CDYL: variants seen among roughly 807,000 people sequenced by gnomAD.
The protein encoded by CDYL is chromodomain Y-like protein.
A neutral mutation model predicts 47.3 loss-of-function variants in CDYL; 8 were observed. That is an observed-to-expected ratio of 0.17 (90% confidence interval 0.10 to 0.31). The LOEUF is 0.31. Among genes scored for constraint, CDYL ranks in the 10% least tolerant of loss-of-function variants. The pLI is 1.00. For missense variants in CDYL, 471 were observed against 701.4 expected (o/e 0.67, Z 3.71); for synonymous variants, 266 against 265.0 (o/e 1.00, Z -0.04).
At chr6:4,829,527 C>T (rs74574819) in intron 1 of CDYL, among the ~76,000 whole-genome samples, 5,068 of 152,262 alleles carry the variant, frequency 0.033, 286 homozygotes, top group African/African-American at 0.11. Flanking sequence ...TCTTTCTGAG[C>T]GTGCATCTTG....
chr6:4,786,671 A>G (rs898765950), intron 1 of CDYL, among the ~76,000 whole-genome samples: 1 of 152,224 alleles, frequency 6.6e-6, no homozygotes, highest in Non-Finnish European at 1.5e-5. Context: ...TACTTTAAAA[A>G]AGTGACTGTG....
At chr6:4,936,266 G>A (rs947360596) in intron 3 of CDYL, among the ~76,000 whole-genome samples, 1 of 152,190 alleles carries the variant, frequency 6.6e-6, no homozygotes, top group Non-Finnish European at 1.5e-5. Flanking sequence ...AGAACACACA[G>A]CAACAGGGAT....
intron 2 of CDYL, chr6:4,734,681 G>GGATGGGGATGGAGGGAA: frequency 1.3e-6 from 2 of 1,576,076 alleles, no homozygotes; most frequent in Non-Finnish European, 8.6e-7. Context: ...GGAAGTTGGG[G>GGATGGGGATGGAGGGAA]GATGGGGATG....
chr6:4,871,479 G>A (rs935431193), intron 1 of CDYL, among the ~76,000 whole-genome samples: 31 of 152,178 alleles, frequency 2.0e-4, no homozygotes, highest in Non-Finnish European at 3.8e-4. Flanking sequence ...ATGTGTCATA[G>A]GGGTTCAATA....
intron 3 of CDYL, among the ~76,000 whole-genome samples, chr6:4,767,204 G>A (rs1014352404): frequency 1.3e-5 from 2 of 151,580 alleles, no homozygotes; most frequent in Non-Finnish European, 2.9e-5. Context: ...CAAAATGAAG[G>A]AATAAAATCA....
At chr6:4,729,104 C>T (rs111265566) in intron 2 of CDYL, among the ~76,000 whole-genome samples, 1 of 152,114 alleles carries the variant, frequency 6.6e-6, no homozygotes, top group Non-Finnish European at 1.5e-5. Context: ...GGTAGTCAGG[C>T]ACAGAAACTC....
At chr6:4,940,578 G>A (rs904974182) in intron 4 of CDYL, among the ~76,000 whole-genome samples, 3 of 152,218 alleles carry the variant, frequency 2.0e-5, no homozygotes, top group African/African-American at 7.2e-5. Context: ...TTCGTGGTTT[G>A]CAGTTTGCAG....
intron 1 of CDYL, among the ~76,000 whole-genome samples, chr6:4,788,429 G>A (rs918618963): frequency 1.5e-5 from 2 of 132,444 alleles, no homozygotes; most frequent in Admixed American, 9.0e-5. Context: ...TTAGCAGTGA[G>A]CCGAGATCAC....
At chr6:4,784,102 A>G (rs1028080516) in intron 1 of CDYL, among the ~76,000 whole-genome samples, 1 of 152,140 alleles carries the variant, frequency 6.6e-6, no homozygotes, top group Non-Finnish European at 1.5e-5. Context: ...ATAGTTCACT[A>G]ATGAGCTGTG....
chr6:4,735,077 G>A (rs900870816), intron 3 of CDYL, among the ~76,000 whole-genome samples: 40 of 151,852 alleles, frequency 2.6e-4, no homozygotes, highest in Non-Finnish European at 4.3e-4. Context: ...AGCTGAGGTC[G>A]GGAGTTCAAG....
At chr6:4,765,731 T>G (rs1758242820) in intron 3 of CDYL, among the ~76,000 whole-genome samples, 2 of 152,092 alleles carry the variant, frequency 1.3e-5, no homozygotes. Flanking sequence ...ACCCGGCTAA[T>G]TTTTGTATTT....
chr6:4,761,638 G>A (rs1401509449), intron 3 of CDYL, among the ~76,000 whole-genome samples: 5 of 152,100 alleles, frequency 3.3e-5, no homozygotes, highest in Admixed American at 6.5e-5. Flanking sequence ...CACCACGCCC[G>A]GCCCACTTTC....
intron 1 of CDYL, among the ~76,000 whole-genome samples, chr6:4,780,750 A>T (rs1041054286): frequency 2.3e-4 from 35 of 152,250 alleles, no homozygotes; most frequent in African/African-American, 7.5e-4. Flanking sequence ...AACCCATCCA[A>T]CTCTCAAACC....
At position 4,954,125 on chromosome 6, in the gene CDYL, CT is replaced by C. The variant is rs1424347352; in HGVS notation, c.*70del. 4.6e-6 allele frequency: 7 copies of C among 1,506,402 alleles called. No homozygotes were observed. The African/African-American group carries it at 9.6e-5, about 21-fold the overall frequency. 93.3% of individuals were successfully genotyped at this position (1,506,402 alleles called of 1,614,324 possible). On this transcript the variant is annotated 3_prime_UTR_variant, in exon 7 of 7. Transcript: ENST00000397588. ...GAGAACATCACCGGCTCCAGTTCCCCTGATCCATTCTCACAGCCTGAAACAA... is the reference window on the plus strand; with the variant it reads ...GAGAACATCACCGGCTCCAGTTCCCCGATCCATTCTCACAGCCTGAAACAA...
chr6:4,813,033 A>G (rs1759571291), intron 1 of CDYL, among the ~76,000 whole-genome samples: 2 of 152,228 alleles, frequency 1.3e-5, no homozygotes, highest in South Asian at 4.1e-4. Flanking sequence ...GTATAGGAAA[A>G]TCACTAAGTT....
At chr6:4,708,530 T>C (rs1757089640) in intron 1 of CDYL, among the ~76,000 whole-genome samples, 1 of 152,248 alleles carries the variant, frequency 6.6e-6, no homozygotes, top group East Asian at 1.9e-4. Context: ...CTGTTAATTT[T>C]TGAATTTTTT....
intron 1 of CDYL, among the ~76,000 whole-genome samples, chr6:4,713,381 G>A (rs972723389): frequency 1.4e-4 from 22 of 152,038 alleles, no homozygotes; most frequent in Non-Finnish European, 7.3e-5. Context: ...CGCAGGCTAC[G>A]TGGGAAATTT....
At chr6:4,892,548 C>T (rs1399724898) in intron 2 of CDYL, among the ~76,000 whole-genome samples, 169 bp downstream of exon 2, 1 of 150,366 alleles carries the variant, frequency 6.7e-6, no homozygotes. Context: ...TTTGATATTT[C>T]TCTTAATTCG....
In CDYL at chr6:4,845,729, T is replaced by A. The variant is rs553026838; in HGVS notation, c.25-45984T>A. 4.6e-5 allele frequency among the ~76,000 whole-genome samples: 7 copies of A among 152,326 alleles called. No homozygotes were observed. In the East Asian group the frequency reaches 1.2e-3, roughly 25 times the overall value. ...ACAACTTTATTTATGGAGACTGAAA[T>A]ATGAATTTTGTATACTTTTCATATA... On this transcript the variant is annotated intron_variant, in intron 1 of 6. Transcript: ENST00000397588.
Sources: gnomAD v4.1 joint callset for allele counts (sites outside exome capture counted in the v4.1 genomes callset) on GRCh38, gnomAD v4.1.1 for gene constraint, MANE v1.5 for transcripts, NCBI Gene and HGNC (gene_info 2026-07-23, HGNC 2026-07-21) for gene names.